DIS3L2: variants seen among roughly 807,000 people sequenced by gnomAD.
DIS3L2 encodes the protein DIS3 like 3'-5' exoribonuclease 2, also known as DIS3-like exonuclease 2.
DIS3L2 carries 34 observed loss-of-function variants against 97.5 expected under a neutral mutation model. That is an observed-to-expected ratio of 0.35 (90% CI 0.27 to 0.46). The LOEUF is 0.46. DIS3L2 is among the 20% of genes least tolerant of loss of function. The pLI is 1.00. For synonymous variants in DIS3L2, 435 were observed against 445.2 expected (o/e 0.98, Z 0.29); for missense variants, 1,038 against 1,146.0 (o/e 0.91, Z 1.36).
At chr2:232,273,294 A>C (rs1248634838) in intron 13 of DIS3L2, among the ~76,000 whole-genome samples, 1 of 152,064 alleles carries the variant, frequency 6.6e-6, no homozygotes, top group Non-Finnish European at 1.5e-5. Flanking sequence ...GAGTTTCTTA[A>C]GGGTAAAGAC....
At chr2:232,138,477 A>T (rs1698421431) in intron 8 of DIS3L2, among the ~76,000 whole-genome samples, 1 of 152,206 alleles carries the variant, frequency 6.6e-6, no homozygotes, top group Admixed American at 6.5e-5. Context: ...AAGAAGAGAA[A>T]ATTTATTTTA....
chr2:232,314,703 C>G (rs1695223192), intron 14 of DIS3L2, among the ~76,000 whole-genome samples: 2 of 152,196 alleles, frequency 1.3e-5, no homozygotes, highest in African/African-American at 4.8e-5. Context: ...ATAAGATTTC[C>G]TGTCTGTCAC....
rs147094827 is a variant in DIS3L2, at chr2:232,057,083, A to G, written c.366+27003A>G. Among the ~76,000 whole-genome samples, 542 of 152,326 alleles carry G rather than the reference A, an allele frequency of 3.6e-3. 3 individuals are homozygous for G. The highest frequency in any genetic ancestry group is 0.012 in the African/African-American group (497 of 41,564). On this transcript the variant is annotated intron_variant, in intron 5 of 20. Coordinates refer to ENST00000325385, the MANE Select transcript of DIS3L2 (RefSeq NM_152383.5). ...CAATAGAATACTGTACAGCAGAGAG[A>G]ATGGATCAACTACAGCAATGTGCAG...
rs551710220 is a variant in DIS3L2 at position 232,088,262 on chromosome 2, G to A, written c.601+541G>A. Among the ~76,000 whole-genome samples the A allele has an allele frequency of 4.1e-4, 61 of 149,916 alleles. No homozygotes were observed. In the East Asian group the frequency reaches 8.8e-3, roughly 22 times the overall value. ...AAAAATGCAAAAAAATTAGCCAGGC[G>A]TGGGCCGGGCGCGGTGGCTCACGCC... On this transcript the variant is annotated intron_variant, in intron 6 of 20. Coordinates refer to ENST00000325385, the MANE Select transcript of DIS3L2 (RefSeq NM_152383.5).
At chr2:232,333,420 TC>T (rs1344378018) in intron 16 of DIS3L2, among the ~76,000 whole-genome samples, 2 of 148,204 alleles carry the variant, frequency 1.3e-5, no homozygotes, top group African/African-American at 2.5e-5. Context: ...GACTCTTCCC[TC>T]CTGGTGGTGC....
chr2:232,125,631 A>G (rs534889217), intron 6 of DIS3L2, among the ~76,000 whole-genome samples: 1 of 152,250 alleles, frequency 6.6e-6, no homozygotes, highest in South Asian at 2.1e-4. Flanking sequence ...GGCATCATAC[A>G]TTTTCATTAG....
At chr2:232,190,579 GAA>G (rs1691589728) in intron 9 of DIS3L2, among the ~76,000 whole-genome samples, 1 of 151,766 alleles carries the variant, frequency 6.6e-6, no homozygotes, top group South Asian at 2.1e-4. Context: ...GAGAGAGAAA[GAA>G]GAGAGAGAGA....
chr2:232,343,312 C>A, intron 13 of DIS3L2: 3 of 1,541,232 alleles, frequency 1.9e-6, no homozygotes, highest in Non-Finnish European at 2.6e-6. Flanking sequence ...GAAACCGCGC[C>A]TCCTCATCCA....
chr2:232,045,438 A>G (rs1695211588), intron 5 of DIS3L2, among the ~76,000 whole-genome samples: 1 of 152,060 alleles, frequency 6.6e-6, no homozygotes, highest in African/African-American at 2.4e-5. Flanking sequence ...TAAAGAATAG[A>G]CATTTATTTT....
At chr2:232,041,290 C>T (rs1339874585) in intron 5 of DIS3L2, among the ~76,000 whole-genome samples, 1 of 152,186 alleles carries the variant, frequency 6.6e-6, no homozygotes, top group Non-Finnish European at 1.5e-5. Context: ...ATTCCTGACT[C>T]AATGGCAGCA....
At chr2:232,052,288 T>C (rs567916067) in intron 5 of DIS3L2, among the ~76,000 whole-genome samples, 111 of 152,316 alleles carry the variant, frequency 7.3e-4, no homozygotes, top group African/African-American at 2.5e-3. Flanking sequence ...CTTCCCAAAA[T>C]GTTGGGATTA....
chr2:232,166,072 C>CAATAAATAAATA (rs111484613), intron 9 of DIS3L2, among the ~76,000 whole-genome samples: 2,402 of 138,110 alleles, frequency 0.017, 59 homozygotes, highest in East Asian at 0.11. Flanking sequence ...CCTGTCTCTA[C>CAATAAATAAATA]AATAAATAAA....
At chr2:232,280,780 C>T (rs1375851922) in intron 13 of DIS3L2, among the ~76,000 whole-genome samples, 1 of 152,198 alleles carries the variant, frequency 6.6e-6, no homozygotes, top group African/African-American at 2.4e-5. Flanking sequence ...GCTCAGAAAA[C>T]AACAATGATA....
intron 8 of DIS3L2, among the ~76,000 whole-genome samples, chr2:232,146,893 G>A (rs1574908777): frequency 6.6e-6 from 1 of 152,100 alleles, no homozygotes; most frequent in East Asian, 1.9e-4. Flanking sequence ...TTAGAAAATA[G>A]ATTAAAAAGT....
intron 10 of DIS3L2, among the ~76,000 whole-genome samples, chr2:232,229,510 G>A (rs1396110088): frequency 6.6e-6 from 1 of 152,212 alleles, no homozygotes; most frequent in African/African-American, 2.4e-5. Context: ...CCCACTCACT[G>A]CTGAAAAGCC....
chr2:232,190,039 A>T (rs1290053043), intron 9 of DIS3L2, among the ~76,000 whole-genome samples: 2 of 152,190 alleles, frequency 1.3e-5, no homozygotes, highest in Admixed American at 6.5e-5. Flanking sequence ...TTAATTTTTA[A>T]AAAGGGGCTG....
At chr2:232,249,106 T>C (rs1693345764) in intron 11 of DIS3L2, 133 bp from the exon 12 acceptor site, 1 of 753,714 alleles carries the variant, frequency 1.3e-6, no homozygotes. Context: ...TTCTGCAGAG[T>C]CTTTGGGAAC....
At chr2:232,139,433 G>GA (rs1393958115) in intron 8 of DIS3L2, among the ~76,000 whole-genome samples, 3 of 152,140 alleles carry the variant, frequency 2.0e-5, no homozygotes, top group African/African-American at 7.2e-5. Flanking sequence ...TTCTATGGTG[G>GA]AAAATCTTAC....
At chr2:232,028,078 A>G (rs987520046) in intron 4 of DIS3L2, among the ~76,000 whole-genome samples, 15 of 152,098 alleles carry the variant, frequency 9.9e-5, no homozygotes, top group Non-Finnish European at 2.2e-4. Context: ...GTCCAAAGGG[A>G]ACTGTTCCAT....
Sources: allele counts gnomAD v4.1 joint callset (sites outside exome capture counted in the v4.1 genomes callset), GRCh38; gene constraint gnomAD v4.1.1; transcripts MANE v1.5; gene names NCBI Gene and HGNC (gene_info 2026-07-23, HGNC 2026-07-21).